MGAT4C: variants seen among roughly 807,000 people sequenced by gnomAD.
The protein encoded by MGAT4C is alpha-1,3-mannosyl-glycoprotein 4-beta-N-acetylglucosaminyltransferase C.
In MGAT4C, 19 loss-of-function variants were observed where a neutral mutation model predicts 40.1. That is an observed-to-expected ratio of 0.47 (90% CI 0.33 to 0.70). The LOEUF is 0.70. Among genes scored for constraint, MGAT4C ranks in the 30% least tolerant of loss-of-function variants. The pLI is 0.02. For missense variants in MGAT4C, 491 were observed against 563.2 expected, an observed-to-expected ratio of 0.87 and a Z score of 1.30; for synonymous variants, 181 against 187.1, an observed-to-expected ratio of 0.97 and a Z score of 0.27.
chr12:86,534,425 T>C (rs1342566456), intron 2 of MGAT4C, among the ~76,000 whole-genome samples: 1 of 152,140 alleles, frequency 6.6e-6, no homozygotes, highest in South Asian at 2.1e-4. Flanking sequence ...TGTCTGCCTG[T>C]AACTTCTGTC....
intron 2 of MGAT4C, among the ~76,000 whole-genome samples, chr12:86,604,171 T>C (rs1043359340): frequency 6.6e-6 from 1 of 152,062 alleles, no homozygotes; most frequent in Admixed American, 6.6e-5. Context: ...GAAAATGTGC[T>C]CCACCTGGGA....
At chr12:86,368,788 T>C (rs891356474) in intron 3 of MGAT4C, among the ~76,000 whole-genome samples, 2 of 152,108 alleles carry the variant, frequency 1.3e-5, no homozygotes, top group Admixed American at 6.5e-5. Context: ...TTAAAAGTTA[T>C]TTTGTGACTT....
At chr12:86,193,285 A>G (rs1889729971) in intron 1 of MGAT4C, among the ~76,000 whole-genome samples, 1 of 151,926 alleles carries the variant, frequency 6.6e-6, no homozygotes, top group Admixed American at 6.6e-5. Flanking sequence ...TAAAAATTAC[A>G]GCATGCTTCC....
chr12:86,646,077 A>C (rs946143260), intron 2 of MGAT4C, among the ~76,000 whole-genome samples: 6 of 151,912 alleles, frequency 3.9e-5, no homozygotes, highest in Non-Finnish European at 1.5e-5. Context: ...CATTGAGTGC[A>C]GCATATTTCT....
At chr12:86,011,597 G>A (rs1311365983) in intron 2 of MGAT4C, among the ~76,000 whole-genome samples, 2 of 152,218 alleles carry the variant, frequency 1.3e-5, no homozygotes, top group Admixed American at 1.3e-4. Context: ...AAAACGGGAT[G>A]AGAGAATTGA....
chr12:86,468,435 G>T (rs1347186081), intron 2 of MGAT4C, among the ~76,000 whole-genome samples: 1 of 151,920 alleles, frequency 6.6e-6, no homozygotes, highest in East Asian at 1.9e-4. Flanking sequence ...TCTTCCCAGA[G>T]ATTTTTCCAT....
At chr12:86,612,366 G>C (rs1001365223) in intron 2 of MGAT4C, among the ~76,000 whole-genome samples, 1 of 152,030 alleles carries the variant, frequency 6.6e-6, no homozygotes, top group Non-Finnish European at 1.5e-5. Context: ...ATCTTCCATA[G>C]ATGCCTGTTA....
chr12:86,819,366 A>C (rs942606346), intron 1 of MGAT4C, among the ~76,000 whole-genome samples: 1 of 150,922 alleles, frequency 6.6e-6, no homozygotes, highest in African/African-American at 2.4e-5. Context: ...AATTCTTGCC[A>C]GCTGCATAGA....
chr12:86,761,695 T>TGG (rs1348098392), intron 1 of MGAT4C, among the ~76,000 whole-genome samples: 2 of 152,160 alleles, frequency 1.3e-5, no homozygotes, highest in Non-Finnish European at 2.9e-5. Flanking sequence ...TAACTTCTAG[T>TGG]GGCCACCTGT....
chr12:86,375,600 T>C (rs1334266704), intron 3 of MGAT4C, among the ~76,000 whole-genome samples: 1 of 152,060 alleles, frequency 6.6e-6, no homozygotes, highest in Non-Finnish European at 1.5e-5. Flanking sequence ...CTAGGATACA[T>C]CATTTTAGGT....
intron 1 of MGAT4C, among the ~76,000 whole-genome samples, chr12:86,246,660 T>A (rs1255271896): frequency 2.6e-5 from 4 of 152,178 alleles, no homozygotes; most frequent in African/African-American, 9.6e-5. Flanking sequence ...TTTACAAAGG[T>A]AAATGTTACT....
chr12:86,117,834 A>G (rs1398272003), intron 1 of MGAT4C, among the ~76,000 whole-genome samples: 2 of 152,192 alleles, frequency 1.3e-5, no homozygotes, highest in African/African-American at 2.4e-5. Flanking sequence ...CTTAATCACC[A>G]TAATGAACTT....
chr12:86,554,593 T>C (rs747511374), intron 2 of MGAT4C, among the ~76,000 whole-genome samples: 1 of 152,190 alleles, frequency 6.6e-6, no homozygotes, highest in Non-Finnish European at 1.5e-5. Flanking sequence ...AACTTACATA[T>C]TATTCATAAG....
chr12:85,991,500 C>T (rs1273971771), intron 2 of MGAT4C, among the ~76,000 whole-genome samples: 3 of 152,184 alleles, frequency 2.0e-5, no homozygotes, highest in African/African-American at 7.2e-5. Context: ...CCTCCCACTA[C>T]TGTCCATAGT....
In MGAT4C at chr12:85,957,054, C is replaced by T. The variant is rs2136634799; in HGVS notation, c.*22235G>A. ...AAAATGAGAGTATGTAGATGCGAGC[C>T]CTTTGCTGCTGGCAAAGCTTTAAAA... On this transcript the variant is annotated 3_prime_UTR_variant, in exon 5 of 5. Coordinates refer to ENST00000611864, the MANE Select transcript of MGAT4C (RefSeq NM_001351288.2). The T allele has an allele frequency of 6.6e-6, 1 of 152,146 alleles. No homozygotes were observed. The highest frequency in any genetic ancestry group is 1.9e-4 in the East Asian group (1 of 5,168). 9.4% of individuals were successfully genotyped at this position (152,146 alleles called of 1,614,324 possible).
chr12:86,714,816 A>AGG (rs202181514), intron 2 of MGAT4C, among the ~76,000 whole-genome samples: 2 of 151,912 alleles, frequency 1.3e-5, no homozygotes, highest in East Asian at 1.9e-4. Flanking sequence ...GAAGGAAGGA[A>AGG]AGAATTAAAG....
chr12:86,223,557 G>A (rs541519145), intron 1 of MGAT4C, among the ~76,000 whole-genome samples: 17 of 152,224 alleles, frequency 1.1e-4, no homozygotes, highest in South Asian at 2.1e-4. Context: ...AGGCAGGCCC[G>A]CGGTGTACCC....
intron 1 of MGAT4C, among the ~76,000 whole-genome samples, chr12:86,172,900 A>G (rs1887003127): frequency 6.6e-6 from 1 of 152,138 alleles, no homozygotes; most frequent in Non-Finnish European, 1.5e-5. Flanking sequence ...ACTTTATTAA[A>G]GTTATTAGAG....
intron 2 of MGAT4C, among the ~76,000 whole-genome samples, chr12:86,724,652 T>C (rs1385902541): frequency 6.6e-6 from 1 of 152,250 alleles, no homozygotes; most frequent in Non-Finnish European, 1.5e-5. Flanking sequence ...AAATAAGATG[T>C]GCTATGTTTG....
Sources: allele counts gnomAD v4.1 joint callset (sites outside exome capture counted in the v4.1 genomes callset), GRCh38; gene constraint gnomAD v4.1.1; transcripts MANE v1.5; gene names NCBI Gene and HGNC (gene_info 2026-07-23, HGNC 2026-07-21).